Variants in CCDC3 observed in about 807,000 individuals in gnomAD.
CCDC3 encodes the protein coiled-coil domain containing 3, also known as coiled-coil domain-containing protein 3.
In CCDC3, 24 loss-of-function variants were observed where a neutral mutation model predicts 21.4. The ratio of observed to expected loss-of-function variants is 1.12; its 90% CI spans 0.81 to 1.58. CCDC3 has a LOEUF of 1.58. CCDC3 is among the 40% of genes most tolerant of loss of function. CCDC3 has a pLI of 0.00. For synonymous variants in CCDC3, 186 were observed against 166.0 expected, an observed-to-expected ratio of 1.12 and a Z score of -0.93; for missense variants, 425 against 360.9, an observed-to-expected ratio of 1.18 and a Z score of -1.44.
intron 2 of CCDC3, among the ~76,000 whole-genome samples, chr10:12,942,505 T>C (rs1834848672): frequency 6.6e-6 from 1 of 152,232 alleles, no homozygotes; most frequent in African/African-American, 2.4e-5. Context: ...TGCTGGCAGC[T>C]GTGCCAATAG....
chr10:13,072,016 C>T (rs1009577741), intron 4 of CCDC3, among the ~76,000 whole-genome samples: 2 of 152,096 alleles, frequency 1.3e-5, no homozygotes, highest in Non-Finnish European at 2.9e-5. Context: ...ACCCAGAAGT[C>T]CAAATGCTGG....
intron 2 of CCDC3, among the ~76,000 whole-genome samples, chr10:12,911,638 T>C (rs1463005974): frequency 3.3e-5 from 5 of 152,242 alleles, no homozygotes; most frequent in Non-Finnish European, 7.3e-5. Flanking sequence ...TAATTAACGA[T>C]GTATCACCTC....
At chr10:13,016,351 A>C (rs1479119683) in intron 5 of CCDC3, among the ~76,000 whole-genome samples, 2 of 149,808 alleles carry the variant, frequency 1.3e-5, no homozygotes, top group Non-Finnish European at 3.0e-5. Context: ...AAAAAAAAAA[A>C]ACACAACTTT....
intron 2 of CCDC3, among the ~76,000 whole-genome samples, chr10:12,926,311 T>C (rs17593201): frequency 0.056 from 8,498 of 152,302 alleles, 256 homozygotes; most frequent in Non-Finnish European, 0.072. Context: ...CCCAATTATA[T>C]ATTCCTCATA....
chr10:13,033,686 T>C (rs187394928), intron 5 of CCDC3, among the ~76,000 whole-genome samples: 1 of 152,168 alleles, frequency 6.6e-6, no homozygotes, highest in African/African-American at 2.4e-5. Context: ...GCAAAGGATA[T>C]GAACAGACAC....
intron 3 of CCDC3, chr10:13,074,153 A>ATATTTTTTTTTTTTTTTTTT (rs1365749317): frequency 1.6e-5 from 1 of 64,292 alleles, no homozygotes; most frequent in East Asian, 5.7e-4. Context: ...ATATATATAT[A>ATATTTTTTTTTTTTTTTTTT]TTTTTTTTTT....
chr10:12,929,690 T>C (rs1834608705), intron 2 of CCDC3, among the ~76,000 whole-genome samples: 2 of 152,126 alleles, frequency 1.3e-5, no homozygotes, highest in South Asian at 4.1e-4. Context: ...GTCCAGCAGG[T>C]CCAACAGGCC....
At chr10:13,041,905 G>A (rs193067027) in intron 5 of CCDC3, among the ~76,000 whole-genome samples, 1 of 152,090 alleles carries the variant, frequency 6.6e-6, no homozygotes, top group Non-Finnish European at 1.5e-5. Context: ...GGGATTACAG[G>A]TGTGAGCCAC....
At chr10:13,076,368 C>T (rs1186231186) in intron 3 of CCDC3, among the ~76,000 whole-genome samples, 14 of 152,140 alleles carry the variant, frequency 9.2e-5, no homozygotes, top group Admixed American at 5.2e-4. Flanking sequence ...CTGCCCTCCC[C>T]GAAAGTTAGA....
At position 12,926,746 on chromosome 10, in the gene CCDC3, T is replaced by C. The variant is rs564224335; in HGVS notation, c.550-28067A>G. On this transcript the variant is annotated intron_variant, in intron 2 of 2. Transcript: ENST00000378825. ...GGACAGAAAAAGTTATATAGGTATA[T>C]CATGCAAACACTAAGCATAAGAAAG... 1.3e-4 allele frequency among the ~76,000 whole-genome samples: 20 copies of C among 152,294 alleles called. No individual in the cohort carries two copies. The East Asian group carries it at 3.7e-3, about 28-fold the overall frequency.
At chr10:12,937,463 G>A (rs1436401809) in intron 2 of CCDC3, among the ~76,000 whole-genome samples, 1 of 152,106 alleles carries the variant, frequency 6.6e-6, no homozygotes, top group Non-Finnish European at 1.5e-5. Context: ...AATGTACTGT[G>A]TTTTTTGCTT....
chr10:12,992,449 A>G (rs1233850353), intron 2 of CCDC3, among the ~76,000 whole-genome samples: 2 of 152,220 alleles, frequency 1.3e-5, no homozygotes, highest in Admixed American at 1.3e-4. Context: ...TGTATTTTAT[A>G]TATGTCATGG....
intron 2 of CCDC3, among the ~76,000 whole-genome samples, chr10:12,995,921 T>C (rs1835755541): frequency 6.6e-6 from 1 of 152,336 alleles, no homozygotes; most frequent in African/African-American, 2.4e-5. Context: ...AAAATGTTAG[T>C]AGCTAGATTG....
intron 2 of CCDC3, among the ~76,000 whole-genome samples, chr10:12,926,401 CAGGGCTGGCAT>C (rs1564286622): frequency 2.0e-5 from 3 of 152,100 alleles, no homozygotes; most frequent in African/African-American, 7.2e-5. Flanking sequence ...GACAAACAGT[CAGGGCTGGCAT>C]GGTGCCCACT....
intron 2 of CCDC3, among the ~76,000 whole-genome samples, chr10:12,901,213 G>A (rs184948874): frequency 7.8e-4 from 119 of 152,144 alleles, no homozygotes; most frequent in Non-Finnish European, 1.4e-3. Flanking sequence ...TCTACCCAAG[G>A]TATTAATCCC....
At chr10:13,007,156 A>C (rs577362988) in intron 5 of CCDC3, among the ~76,000 whole-genome samples, 51 of 152,306 alleles carry the variant, frequency 3.3e-4, no homozygotes, top group African/African-American at 1.1e-3. Flanking sequence ...TACTTCCTTC[A>C]TTAATATATT....
chr10:12,989,468 C>A (rs530001735), intron 2 of CCDC3, among the ~76,000 whole-genome samples: 5 of 152,220 alleles, frequency 3.3e-5, no homozygotes, highest in African/African-American at 7.2e-5. Context: ...GTCGCCCAAG[C>A]TGGAGTGTAA....
intron 5 of CCDC3, among the ~76,000 whole-genome samples, chr10:13,034,426 G>A (rs1836349925): frequency 6.6e-6 from 1 of 151,380 alleles, no homozygotes; most frequent in Non-Finnish European, 1.5e-5. Flanking sequence ...CACCAACATG[G>A]CACCTGTATA....
At chr10:13,039,186 C>T (rs1458618831) in intron 5 of CCDC3, among the ~76,000 whole-genome samples, 5 of 152,260 alleles carry the variant, frequency 3.3e-5, no homozygotes, top group East Asian at 1.9e-4. Context: ...GAGGCCGAGG[C>T]GGGCAGATCT....
Sources: allele counts gnomAD v4.1 joint callset (sites outside exome capture counted in the v4.1 genomes callset), GRCh38; gene constraint gnomAD v4.1.1; transcripts MANE v1.5; gene names NCBI Gene and HGNC (gene_info 2026-07-23, HGNC 2026-07-21).